Variants in TMC1 observed in about 807,000 individuals in gnomAD.
TMC1 encodes the protein transmembrane channel-like protein 1.
A neutral mutation model predicts 105.8 loss-of-function variants in TMC1; 84 were observed. The observed-to-expected ratio is 0.79, with a 90% confidence interval of 0.67 to 0.95. The LOEUF (loss-of-function observed/expected upper bound fraction) is 0.95, where lower values mean the gene tolerates loss of function less well. Ranked by LOEUF, TMC1 falls within the 40% of genes least tolerant of loss-of-function variation. TMC1 has a pLI of 0.00. For missense variants in TMC1, 817 were observed against 914.1 expected, an observed-to-expected ratio of 0.89 and a Z score of 1.37; for synonymous variants, 315 against 311.5, an observed-to-expected ratio of 1.01 and a Z score of -0.12.
At chr9:72,667,683 A>G (rs1826065107) in intron 5 of TMC1, among the ~76,000 whole-genome samples, 1 of 152,214 alleles carries the variant, frequency 6.6e-6, no homozygotes, top group African/African-American at 2.4e-5. Context: ...TAATCCTGGC[A>G]ATTTTTAAAT....
intron 1 of TMC1, among the ~76,000 whole-genome samples, chr9:72,560,162 C>T (rs574928212): frequency 6.6e-6 from 1 of 152,306 alleles, no homozygotes; most frequent in South Asian, 2.1e-4. Flanking sequence ...CCAATATCCC[C>T]AACAGGGAAG....
intron 5 of TMC1, among the ~76,000 whole-genome samples, chr9:72,678,422 A>C (rs1427519468): frequency 6.6e-6 from 1 of 152,080 alleles, no homozygotes; most frequent in Non-Finnish European, 1.5e-5. Flanking sequence ...CAGAATTCAG[A>C]CTCATGCTTA....
chr9:72,629,194 C>G (rs1211242190), intron 4 of TMC1, among the ~76,000 whole-genome samples: 2 of 152,094 alleles, frequency 1.3e-5, no homozygotes, highest in East Asian at 3.9e-4. Context: ...CTATGAATGG[C>G]AGAGCTGGGA....
In TMC1 at chr9:72,805,463, G is replaced by T. The variant is rs201465054; in HGVS notation, c.1648G>T (p.Val550Leu). The part of the protein sequence containing the change: ...LIGDFLRACF[V>L]RFCNYCWCWD... ...TGGGGACTTTCTAAGGGCATGTTTT[G>T]TGAGGTTTTGCAATTATTGCTGGTG... The change falls in exon 18 of 24, where the codon GTG becomes TTG. Residue 550 changes from valine to leucine, a missense_variant. Physicochemically the swap from Val to Leu is conservative, Grantham distance 32. Transcript: ENST00000297784. 1.2e-5 allele frequency: 20 copies of T among 1,613,304 alleles called. No homozygotes were observed. The highest frequency in any genetic ancestry group is 1.6e-5 in the Non-Finnish European group (19 of 1,179,818).
intron 1 of TMC1, among the ~76,000 whole-genome samples, chr9:72,551,054 G>C (rs1257570416): frequency 6.6e-6 from 1 of 152,132 alleles, no homozygotes; most frequent in Non-Finnish European, 1.5e-5. Context: ...CTATATTGTT[G>C]CTGGCTTTGA....
intron 2 of TMC1, among the ~76,000 whole-genome samples, chr9:72,601,920 A>G (rs1824823028): frequency 6.6e-6 from 1 of 152,214 alleles, no homozygotes; most frequent in African/African-American, 2.4e-5. Flanking sequence ...AAATATTGGC[A>G]TGTATCTAAT....
chr9:72,787,979 G>A (rs1158193599), intron 13 of TMC1, among the ~76,000 whole-genome samples: 4 of 152,084 alleles, frequency 2.6e-5, no homozygotes, highest in Non-Finnish European at 5.9e-5. Flanking sequence ...CCCCTGGGGA[G>A]GGATTCAATA....
At chr9:72,530,105 A>C (rs757627280) in intron 1 of TMC1, among the ~76,000 whole-genome samples, 8 of 152,284 alleles carry the variant, frequency 5.3e-5, no homozygotes, top group Non-Finnish European at 1.2e-4. Context: ...AGACAGCCTG[A>C]TTGAGTTCCT....
At chr9:72,675,873 G>A (rs1431890077) in intron 5 of TMC1, among the ~76,000 whole-genome samples, 1 of 152,098 alleles carries the variant, frequency 6.6e-6, no homozygotes, top group African/African-American at 2.4e-5. Flanking sequence ...TCTGAAGCTG[G>A]CTGAGAGAAG....
chr9:72,584,784 C>CTTTTTTTTTTTTTTTTTT lies in TMC1; in HGVS notation c.-306+6762_-306+6779dup, dbSNP rs71357591. Among the ~76,000 whole-genome samples the CTTTTTTTTTTTTTTTTTT allele has an allele frequency of 4.6e-4, 52 of 113,008 alleles. 1 individual carries two copies. Among genetic ancestry groups the CTTTTTTTTTTTTTTTTTT allele is most frequent in the East Asian group, 8.1e-4 (3 of 3,714 alleles). The allele number at this position is 113,008 out of a possible 152,430, so 74.1% of individuals were successfully genotyped here. A position where few individuals can be genotyped will look rare whatever the true frequency, so the allele number is the denominator to read the frequency against. On this transcript the variant is annotated intron_variant, in intron 2 of 23. Coordinates refer to ENST00000297784, the MANE Select transcript of TMC1 (RefSeq NM_138691.3). ...GTAGTTCTCCTTTTTCTTTTCTTTT[C>CTTTTTTTTTTTTTTTTTT]TTTTTTTTTTTTTTTTTTGAGACAG...
intron 5 of TMC1, among the ~76,000 whole-genome samples, chr9:72,654,613 A>G (rs1825858079): frequency 2.0e-5 from 3 of 152,174 alleles, no homozygotes; most frequent in Admixed American, 2.0e-4. Context: ...TGGTAAAAAT[A>G]TCAGTTCCCC....
chr9:72,743,673 T>C (rs1353674210), intron 10 of TMC1, among the ~76,000 whole-genome samples: 1 of 152,010 alleles, frequency 6.6e-6, no homozygotes, highest in African/African-American at 2.4e-5. Flanking sequence ...GCTTGCTATC[T>C]GAATATTCAC....
Position 72,788,396 on chromosome 9 carries a change from C to G in TMC1, c.942C>G (p.Ser314Arg), listed in dbSNP as rs1460931936. 1 of 1,614,026 alleles carries G rather than the reference C, an allele frequency of 6.2e-7. No individual in the cohort carries two copies. The highest frequency in any genetic ancestry group is 8.5e-7 in the Non-Finnish European group (1 of 1,179,936). ...GGGDDNTFNFSWKVFTSWDYL... is the reference protein window; with the variant it reads ...GGGDDNTFNFRWKVFTSWDYL... ...GAGATGACAACACTTTCAATTTCAG[C>G]TGGAAGGTCTTTACCAGCTGGGACT... The change falls in exon 14 of 24, where the codon AGC (serine) becomes AGG (arginine). Residue 314 changes from serine to arginine, a missense_variant. Transcript: ENST00000297784.
intron 5 of TMC1, among the ~76,000 whole-genome samples, chr9:72,660,943 G>A (rs1271272489): frequency 6.6e-6 from 1 of 152,110 alleles, no homozygotes; most frequent in Non-Finnish European, 1.5e-5. Context: ...GAGGTCAGGA[G>A]ATCGAGACCA....
intron 3 of TMC1, among the ~76,000 whole-genome samples, chr9:72,621,326 C>T (rs376529253): frequency 6.6e-6 from 1 of 152,232 alleles, no homozygotes; most frequent in East Asian, 1.9e-4. Flanking sequence ...TTTATTGACT[C>T]CCCCTGTGTG....
intron 18 of TMC1, among the ~76,000 whole-genome samples, chr9:72,805,999 C>A (rs188631871): frequency 1.3e-5 from 2 of 151,436 alleles, no homozygotes; most frequent in African/African-American, 4.9e-5. Flanking sequence ...CCACCTTTCC[C>A]GCCTTTCTAT....
intron 1 of TMC1, among the ~76,000 whole-genome samples, chr9:72,527,854 C>T (rs952816913): frequency 1.3e-5 from 2 of 152,138 alleles, no homozygotes; most frequent in Non-Finnish European, 2.9e-5. Flanking sequence ...ACTGCGAGAC[C>T]CTAAACTATG....
chr9:72,660,231 C>T (rs1247890728), intron 5 of TMC1, among the ~76,000 whole-genome samples: 1 of 152,110 alleles, frequency 6.6e-6, no homozygotes, highest in Non-Finnish European at 1.5e-5. Flanking sequence ...TGATTTTTCA[C>T]TTCATGGACA....
At chr9:72,772,180 G>A (rs1827939030) in intron 12 of TMC1, among the ~76,000 whole-genome samples, 1 of 152,092 alleles carries the variant, frequency 6.6e-6, no homozygotes, top group Non-Finnish European at 1.5e-5. Flanking sequence ...GCCTGTATTT[G>A]CTTAAAAATT....
Sources: gnomAD v4.1 joint callset for allele counts (sites outside exome capture counted in the v4.1 genomes callset) on GRCh38, gnomAD v4.1.1 for gene constraint, MANE v1.5 for transcripts, NCBI Gene and HGNC (gene_info 2026-07-23, HGNC 2026-07-21) for gene names.